The following SYT16 variants were observed in gnomAD, a reference collection of about 807,000 sequenced individuals.
The protein encoded by SYT16 is synaptotagmin-16.
A neutral mutation model predicts 61.4 loss-of-function variants in SYT16; 42 were observed. The observed-to-expected ratio is 0.68, with a 90% CI of 0.53 to 0.89. The LOEUF (loss-of-function observed/expected upper bound fraction) is 0.89. Among genes scored for constraint, SYT16 ranks in the 40% least tolerant of loss-of-function variants. The pLI, the probability that SYT16 is intolerant of heterozygous loss-of-function variation, is 0.00. For missense variants in SYT16, 804 were observed against 807.3 expected, an observed-to-expected ratio of 1.00 and a Z score of 0.05; for synonymous variants, 314 against 302.3, an observed-to-expected ratio of 1.04 and a Z score of -0.40.
chr14:61,974,128 C>T (rs1045169562), intron 2 of SYT16, among the ~76,000 whole-genome samples: 1 of 152,176 alleles, frequency 6.6e-6, no homozygotes, highest in Non-Finnish European at 1.5e-5. Context: ...GCCGCTGCTA[C>T]AGTTCCTCCA....
chr14:61,843,072 A>T (rs1378260835), intron 1 of SYT16, among the ~76,000 whole-genome samples: 1 of 147,404 alleles, frequency 6.8e-6, no homozygotes, highest in African/African-American at 2.5e-5. Context: ...TCATGTACTG[A>T]TATCTTTTTT....
intron 1 of SYT16, among the ~76,000 whole-genome samples, chr14:61,935,993 T>G (rs545796140): frequency 6.6e-6 from 1 of 152,326 alleles, no homozygotes; most frequent in South Asian, 2.1e-4. Flanking sequence ...CTAACTATAT[T>G]GCTTTAATGG....
chr14:61,998,419 A>T (rs1276523326), intron 3 of SYT16, among the ~76,000 whole-genome samples: 4 of 151,896 alleles, frequency 2.6e-5, no homozygotes, highest in Non-Finnish European at 5.9e-5. Context: ...TATCTTTTTC[A>T]GAATGTCATA....
Position 62,014,644 on chromosome 14 carries a change from G to C in SYT16, c.523+18102G>C, listed in dbSNP as rs1196486025. On this transcript the variant is annotated intron_variant, in intron 3 of 7. Transcript: ENST00000683842. ...AGACGGGGTTTCACCATGTTGGCCAGGCTGGACTCAAACTCCTGACCTCAG... is the reference window on the plus strand; with the variant it reads ...AGACGGGGTTTCACCATGTTGGCCACGCTGGACTCAAACTCCTGACCTCAG... Among the ~76,000 whole-genome samples the C allele has an allele frequency of 3.3e-5, 5 of 152,120 alleles. No homozygotes were observed. In the South Asian group the frequency reaches 6.3e-4, roughly 19 times the overall value.
At chr14:62,059,682 TTA>T (rs924667391) in intron 3 of SYT16, among the ~76,000 whole-genome samples, 9 of 147,460 alleles carry the variant, frequency 6.1e-5, no homozygotes, top group Admixed American at 2.0e-4. Context: ...TATATATAAT[TTA>T]TATATATGTA....
In SYT16 at chr14:62,107,586, T is replaced by A. The variant is rs1348995118; in HGVS notation, c.*6879T>A. The A allele has an allele frequency of 3.9e-5, 6 of 152,354 alleles. No homozygotes were observed. 9.4% of individuals were successfully genotyped at this position (152,354 alleles called of 1,614,324 possible). On this transcript the variant is annotated 3_prime_UTR_variant, in exon 8 of 8. Transcript: ENST00000683842. The stretch of plus-strand genomic sequence containing the variant: ...TTAAAAACTAGAGTCTGATAAGAAA[T>A]CTAGGTAAATAATAAGATCTTTTAT...
intron 2 of SYT16, among the ~76,000 whole-genome samples, chr14:61,979,323 GA>G (rs2051955088): frequency 6.6e-6 from 1 of 152,100 alleles, no homozygotes; most frequent in Admixed American, 6.5e-5. Flanking sequence ...TATGATTGAT[GA>G]ATTAAATATA....
intron 2 of SYT16, among the ~76,000 whole-genome samples, chr14:61,992,743 G>A (rs754770589): frequency 1.3e-5 from 2 of 152,050 alleles, no homozygotes; most frequent in Non-Finnish European, 2.9e-5. Context: ...CAGGGGTCGG[G>A]CAGGCTACAT....
chr14:62,062,100 T>C (rs188845579), intron 3 of SYT16, among the ~76,000 whole-genome samples: 28 of 152,322 alleles, frequency 1.8e-4, no homozygotes, highest in Admixed American at 1.7e-3. Flanking sequence ...TCTATTTGAC[T>C]CACTCATATT....
intron 1 of SYT16, among the ~76,000 whole-genome samples, chr14:61,819,474 C>A (rs1488686831): frequency 6.6e-6 from 1 of 152,116 alleles, no homozygotes; most frequent in African/African-American, 2.4e-5. Context: ...ATGGATATTA[C>A]CCCTTTAGAA....
At chr14:61,817,028 C>CACAA (rs2045462130) in intron 1 of SYT16, among the ~76,000 whole-genome samples, 1 of 71,578 alleles carries the variant, frequency 1.4e-5, no homozygotes, top group South Asian at 6.2e-4. Context: ...CACACACACA[C>CACAA]AAAAAAAGCA....
At chr14:61,925,852 C>T (rs1594930405) in intron 1 of SYT16, among the ~76,000 whole-genome samples, 1 of 152,060 alleles carries the variant, frequency 6.6e-6, no homozygotes, top group African/African-American at 2.4e-5. Context: ...GGTATTTTTC[C>T]CTCAAGGAAA....
chr14:61,822,812 T>C (rs1594691218), intron 1 of SYT16, among the ~76,000 whole-genome samples: 1 of 152,160 alleles, frequency 6.6e-6, no homozygotes, highest in South Asian at 2.1e-4. Flanking sequence ...AGGATGATGC[T>C]CTGAAACTCA....
In SYT16 at chr14:62,103,118, C is replaced by A. The variant is rs1030350700; in HGVS notation, c.*2411C>A. The A allele has an allele frequency of 3.3e-5, 5 of 152,118 alleles. No individual in the cohort carries two copies. Among genetic ancestry groups the A allele is most frequent in the African/African-American group, 1.2e-4 (5 of 41,428 alleles). 9.4% of individuals were successfully genotyped at this position (152,118 alleles called of 1,614,324 possible). ...AGACAAGATATATAACAATATGTGG[C>A]TGATTTTTTTTACCTTTATTTGAAA... On this transcript the variant is annotated 3_prime_UTR_variant, in exon 8 of 8. Coordinates refer to ENST00000683842, the MANE Select transcript of SYT16 (RefSeq NM_001367656.1).
chr14:62,077,281 A>G (rs368323058), intron 5 of SYT16, among the ~76,000 whole-genome samples: 4 of 152,238 alleles, frequency 2.6e-5, no homozygotes, highest in African/African-American at 9.6e-5. Context: ...TGACACAAGT[A>G]TTCTCATCTT....
At chr14:61,818,474 T>C (rs1422012911) in intron 1 of SYT16, among the ~76,000 whole-genome samples, 1 of 152,110 alleles carries the variant, frequency 6.6e-6, no homozygotes, top group Non-Finnish European at 1.5e-5. Context: ...GGTCAGGAGT[T>C]TGAGACCAGC....
chr14:61,816,310 G>A (rs190053276), intron 1 of SYT16, among the ~76,000 whole-genome samples: 34 of 152,134 alleles, frequency 2.2e-4, no homozygotes, highest in Non-Finnish European at 3.2e-4. Flanking sequence ...GGTGGGGGTC[G>A]GGGATCAAAT....
intron 1 of SYT16, among the ~76,000 whole-genome samples, chr14:61,903,104 A>G (rs1202742997): frequency 6.6e-6 from 1 of 152,160 alleles, no homozygotes; most frequent in Non-Finnish European, 1.5e-5. Context: ...TGGTGGCTCT[A>G]TCTTTATGGA....
In SYT16 at chr14:62,101,262, G is replaced by A. The variant is rs2141024420; in HGVS notation, c.*555G>A. On this transcript the variant is annotated 3_prime_UTR_variant, in exon 8 of 8. Transcript: ENST00000683842. ...CCTAACGAGTAAATATTATAAACTT[G>A]CACTTTTAAAATAAATTTGTATTAA... is the stretch of plus-strand genomic sequence containing the variant. The A allele has an allele frequency of 6.6e-6, 1 of 152,224 alleles. No individual in the cohort carries two copies. Among genetic ancestry groups the A allele is most frequent in the Middle Eastern group, 3.4e-3 (1 of 294 alleles). 9.4% of individuals were successfully genotyped at this position (152,224 alleles called of 1,614,324 possible).
Sources: allele counts gnomAD v4.1 joint callset (sites outside exome capture counted in the v4.1 genomes callset), GRCh38; gene constraint gnomAD v4.1.1; transcripts MANE v1.5; gene names NCBI Gene and HGNC (gene_info 2026-07-23, HGNC 2026-07-21).